The following CYB5R4 variants were observed in gnomAD, a reference collection of about 807,000 sequenced individuals.
The protein encoded by CYB5R4 is cytochrome b5 reductase 4.
Under a neutral mutation model 70.2 loss-of-function variants are expected in CYB5R4, and 55 were observed. That is an observed-to-expected ratio of 0.78 (90% confidence interval 0.63 to 0.98). The LOEUF is 0.98. Ranked by LOEUF, CYB5R4 falls within the 50% of genes least tolerant of loss-of-function variation. CYB5R4 has a pLI of 0.00. For missense variants in CYB5R4, 562 were observed against 612.6 expected (o/e 0.92, Z 0.87); for synonymous variants, 197 against 199.5 (o/e 0.99, Z 0.11).
At chr6:83,896,294 A>G (rs1413312856) in intron 3 of CYB5R4, among the ~76,000 whole-genome samples, 2 of 152,224 alleles carry the variant, frequency 1.3e-5, no homozygotes, top group African/African-American at 2.4e-5. Context: ...CTTAAAGACA[A>G]TCATCTTAGT....
chr6:83,866,424 G>A (rs555993004), intron 2 of CYB5R4, among the ~76,000 whole-genome samples: 8 of 152,024 alleles, frequency 5.3e-5, no homozygotes, highest in Non-Finnish European at 1.0e-4. Context: ...TCCAAAGACC[G>A]GAAATTTAAA....
At chr6:83,879,431 A>C (rs1306765879) in intron 2 of CYB5R4, among the ~76,000 whole-genome samples, 1 of 152,090 alleles carries the variant, frequency 6.6e-6, no homozygotes, top group South Asian at 2.1e-4. Flanking sequence ...TGTGTGTTTT[A>C]CACTCTTTCC....
chr6:83,901,440 G>A (rs1276092544), intron 3 of CYB5R4, among the ~76,000 whole-genome samples: 1 of 152,038 alleles, frequency 6.6e-6, no homozygotes, highest in Non-Finnish European at 1.5e-5. Context: ...TATGTGTCTT[G>A]GAGTTGCTCT....
rs571743943 is a variant in CYB5R4 at position 83,931,803 on chromosome 6, A to G, written c.815-2792A>G. 5.1e-5 allele frequency among the ~76,000 whole-genome samples: 6 copies of G among 116,800 alleles called. No individual in the cohort carries two copies. In the South Asian group the frequency reaches 1.4e-3, roughly 27 times the overall value. 76.6% of individuals were successfully genotyped at this position (116,800 alleles called of 152,430 possible). A position where few individuals can be genotyped will look rare whatever the true frequency, so the allele number is the denominator to read the frequency against. ...TTCTTTTTTGTTTATATATATATAT[A>G]TTTTTTTTTTATTATACTTTAAGTT... On this transcript the variant is annotated intron_variant, in intron 10 of 15. Transcript: ENST00000369681.
At chr6:83,870,289 G>T (rs1046586672) in intron 2 of CYB5R4, among the ~76,000 whole-genome samples, 1 of 152,142 alleles carries the variant, frequency 6.6e-6, no homozygotes, top group Non-Finnish European at 1.5e-5. Flanking sequence ...TTCAGTGTTT[G>T]CAGCAATTTT....
intron 2 of CYB5R4, among the ~76,000 whole-genome samples, chr6:83,888,026 G>T (rs953054267): frequency 1.3e-5 from 2 of 152,124 alleles, no homozygotes; most frequent in Non-Finnish European, 2.9e-5. Flanking sequence ...AGGTTTTGCA[G>T]AACTCACTAA....
intron 3 of CYB5R4, among the ~76,000 whole-genome samples, chr6:83,907,836 C>T (rs1366729544): frequency 6.6e-6 from 1 of 152,164 alleles, no homozygotes; most frequent in Non-Finnish European, 1.5e-5. Context: ...GCCTAGTATT[C>T]CATGGTGTAT....
At chr6:83,920,980 A>G (rs1376878899) in intron 7 of CYB5R4, 102 bp from the exon 8 acceptor site, 3 of 817,140 alleles carry the variant, frequency 3.7e-6, no homozygotes, top group Non-Finnish European at 5.1e-6. Flanking sequence ...TTCAATAAAG[A>G]AGCACCGTAT....
At chr6:83,862,932 G>T (rs934796267) in intron 1 of CYB5R4, among the ~76,000 whole-genome samples, 1 of 152,186 alleles carries the variant, frequency 6.6e-6, no homozygotes, top group Non-Finnish European at 1.5e-5. Flanking sequence ...CTATTAACTT[G>T]GTTACTTTGG....
intron 2 of CYB5R4, among the ~76,000 whole-genome samples, chr6:83,875,155 C>T (rs1304797184): frequency 6.6e-6 from 1 of 152,144 alleles, no homozygotes; most frequent in African/African-American, 2.4e-5. Flanking sequence ...ATTAATGTAC[C>T]ACTTTTCTCC....
chr6:83,931,743 G>T (rs964577559), intron 10 of CYB5R4, among the ~76,000 whole-genome samples: 3 of 151,368 alleles, frequency 2.0e-5, no homozygotes, highest in Admixed American at 2.0e-4. Flanking sequence ...ATGGCATTGT[G>T]CAGGCTGAAG....
chr6:83,859,937 C>T, intron 1 of CYB5R4, 80 bp downstream of exon 1: 1 of 1,321,160 alleles, frequency 7.6e-7, no homozygotes, highest in South Asian at 1.4e-5. Context: ...CGCCCCAACT[C>T]CCAGCTCCTG....
chr6:83,959,519 G>C (rs2099472974), intron 15 of CYB5R4, among the ~76,000 whole-genome samples: 2 of 152,144 alleles, frequency 1.3e-5, no homozygotes, highest in South Asian at 4.1e-4. Context: ...ATCAAAGGAT[G>C]CCTAAAAGAC....
At chr6:83,940,709 GA>G in intron 14 of CYB5R4, 108 bp downstream of exon 14, 57 of 1,260,018 alleles carry the variant, frequency 4.5e-5, no homozygotes, top group South Asian at 1.1e-4. Context: ...CTCCTTCAAA[GA>G]AAAAAAATAA....
chr6:83,877,510 C>T (rs1410960409), intron 2 of CYB5R4, among the ~76,000 whole-genome samples: 7 of 134,840 alleles, frequency 5.2e-5, no homozygotes, highest in East Asian at 5.2e-4. Flanking sequence ...AGGGAGCTAG[C>T]GTGTACAAAG....
At chr6:83,888,752 A>C (rs1588564954) in intron 2 of CYB5R4, among the ~76,000 whole-genome samples, 1 of 152,188 alleles carries the variant, frequency 6.6e-6, no homozygotes, top group East Asian at 1.9e-4. Context: ...CAAATAAAAA[A>C]CTAGAAACGA....
intron 3 of CYB5R4, among the ~76,000 whole-genome samples, chr6:83,902,610 C>T (rs1457083724): frequency 9.9e-5 from 15 of 152,110 alleles, no homozygotes; most frequent in Middle Eastern, 3.4e-3. Context: ...TTGCTTTGGG[C>T]TGTATGTTCC....
At chr6:83,945,663 A>C (rs2099470470) in intron 14 of CYB5R4, among the ~76,000 whole-genome samples, 1 of 152,226 alleles carries the variant, frequency 6.6e-6, no homozygotes, top group Admixed American at 6.5e-5. Flanking sequence ...AACAGAATGG[A>C]TAGACCGCTA....
intron 3 of CYB5R4, among the ~76,000 whole-genome samples, chr6:83,896,883 C>G (rs938550161): frequency 5.3e-5 from 8 of 151,848 alleles, no homozygotes; most frequent in African/African-American, 1.9e-4. Context: ...AATTTACATT[C>G]CCAACAACAG....
Sources: allele counts gnomAD v4.1 joint callset (sites outside exome capture counted in the v4.1 genomes callset), GRCh38; gene constraint gnomAD v4.1.1; transcripts MANE v1.5; gene names NCBI Gene and HGNC (gene_info 2026-07-23, HGNC 2026-07-21).